Variants in HSPA2 observed in about 807,000 individuals in gnomAD.
The protein encoded by HSPA2 is heat shock-related 70 kDa protein 2.
HSPA2 carries 13 observed loss-of-function variants against 35.0 expected under a neutral mutation model. The ratio of observed to expected loss-of-function variants is 0.37; its 90% CI spans 0.24 to 0.59. The LOEUF (loss-of-function observed/expected upper bound fraction) is 0.59. Among genes scored for constraint, HSPA2 ranks in the 20% least tolerant of loss-of-function variants. The probability of loss-of-function intolerance (pLI) is 0.70; values close to 1 mark genes in which losing one functional copy is unlikely to be tolerated. For missense variants in HSPA2, 565 were observed against 885.4 expected, an observed-to-expected ratio of 0.64 and a Z score of 4.59; for synonymous variants, 368 against 382.1, an observed-to-expected ratio of 0.96 and a Z score of 0.43.
rs1566643618 is a variant in HSPA2 at position 64,542,951 on chromosome 14, T to A, written c.*182T>A. The A allele has an allele frequency of 1.9e-6, 2 of 1,068,904 alleles. No homozygotes were observed. The highest frequency in any genetic ancestry group is 1.8e-5 in the South Asian group (1 of 57,048). 66.2% of individuals were successfully genotyped at this position (1,068,904 alleles called of 1,614,324 possible). A position where few individuals can be genotyped will look rare whatever the true frequency, so the allele number is the denominator to read the frequency against. ...TATAAAAGTTCCAAAGTTTGTTTTT[T>A]AAAAACATTATTCGAGGTTTCTCTT... On this transcript the variant is annotated 3_prime_UTR_variant, in exon 1 of 1. Coordinates refer to ENST00000247207, the MANE Select transcript of HSPA2 (RefSeq NM_021979.4). The surrounding 1 kb of genome is among the most constrained non-coding windows in gnomAD (Gnocchi z 5.7).
chr14:64,542,369 C>T lies in HSPA2; in HGVS notation c.1520C>T (p.Thr507Ile). 1 of 1,613,802 alleles carries T rather than the reference C, an allele frequency of 6.2e-7. No homozygotes were observed. The highest frequency in any genetic ancestry group is 8.5e-7 in the Non-Finnish European group (1 of 1,179,912). ...GGTAAGGAAAACAAAATCACCATCA[C>T]CAATGACAAAGGTCGTCTGAGCAAG... ...STGKENKITI[T>I]NDKGRLSKDD... The change falls in exon 1 of 1, where the codon ACC (threonine) becomes ATC (isoleucine). Residue 507 changes from threonine (T) to isoleucine (I), a missense_variant. Thr to Ile is a moderately conservative substitution (Grantham distance 89, BLOSUM62 -1). Transcript: ENST00000247207. This position sits in a 1 kb window ranked among gnomAD's most constrained non-coding sequence, Gnocchi z 5.7.
At chr14:64,540,491 C>T (rs1336784270), upstream of HSPA2, 1 of 282,738 alleles carries the variant, frequency 3.5e-6, no homozygotes, top group Non-Finnish European at 6.7e-6. Context: ...GCGCGCGAGG[C>T]ACCACGGCCT....
At chr14:64,538,347 C>T (rs1272141956), upstream of HSPA2, among the ~76,000 whole-genome samples, 3 of 152,170 alleles carry the variant, frequency 2.0e-5, no homozygotes, top group Admixed American at 2.0e-4. Context: ...TGCTCCCAGC[C>T]CAAAGCCTCA....
At position 64,542,757 on chromosome 14, in the gene HSPA2, A is replaced by C. The variant is rs1257682239; in HGVS notation, c.1908A>C (p.Glu636Asp). 1 of 1,607,274 alleles carries C rather than the reference A, an allele frequency of 6.2e-7. No individual in the cohort carries two copies. The highest frequency in any genetic ancestry group is 1.1e-5 in the South Asian group (1 of 90,502). ...GAGCCTCCGGGGGACCCACCATCGA[A>C]GAAGTGGACTAAGCTTGCACTCAAG... is the stretch of plus-strand genomic sequence containing the variant. ...GSGASGGPTI[E>D]EVD Residue 636 changes from glutamate (E) to aspartate (D), a missense_variant, in exon 1 of 1, where the codon GAA becomes GAC. This residue lies in a region of HSPA2 where 147 missense variants were observed against 166.7 expected (regional missense o/e 0.88). Coordinates refer to ENST00000247207, the MANE Select transcript of HSPA2 (RefSeq NM_021979.4). This position sits in a 1 kb window ranked among gnomAD's most constrained non-coding sequence, Gnocchi z 5.7.
In HSPA2 at chr14:64,540,771, T is replaced by C; in HGVS notation, c.-79T>C. 8 of 1,568,754 alleles carry C rather than the reference T, an allele frequency of 5.1e-6. No individual in the cohort carries two copies. The highest frequency in any genetic ancestry group is 6.9e-6 in the Non-Finnish European group (8 of 1,156,812). On this transcript the variant is annotated 5_prime_UTR_variant, in exon 1 of 1. Coordinates refer to ENST00000247207, the MANE Select transcript of HSPA2 (RefSeq NM_021979.4). ...GCTGGTAGTGCCCGTGGTGCTTGGT[T>C]CGAGGTGGCCGTTAGTTGACTCCGC...
chr14:64,540,247 C>G (rs2080015013), upstream of HSPA2: 1 of 159,326 alleles, frequency 6.3e-6, no homozygotes, highest in South Asian at 1.7e-4. Context: ...CTCAGTGAGT[C>G]GGCACCCTAG....
At position 64,541,182 on chromosome 14, in the gene HSPA2, G is replaced by A. The variant is rs2080027047; in HGVS notation, c.333G>A (p.Glu111=). Residue 111 remains glutamate (E), a synonymous_variant, in exon 1 of 1, where the codon GAG becomes GAA. Coordinates refer to ENST00000247207, the MANE Select transcript of HSPA2 (RefSeq NM_021979.4). ...KPKVQVEYKG[E]TKTFFPEEIS... ...AAGTGCAAGTAGAGTACAAGGGGGA[G>A]ACCAAGACCTTCTTCCCAGAGGAGA... 1.9e-6 allele frequency: 3 copies of A among 1,614,090 alleles called. No homozygotes were observed. Among genetic ancestry groups the A allele is most frequent in the Non-Finnish European group, 2.5e-6 (3 of 1,180,056 alleles).
chr14:64,537,608 C>T (rs187457108), upstream of HSPA2, among the ~76,000 whole-genome samples: 1 of 150,930 alleles, frequency 6.6e-6, no homozygotes, highest in East Asian at 1.9e-4. Flanking sequence ...CCCCCCACCC[C>T]CAAACTACAC....
chr14:64,541,186 A>C lies in HSPA2; in HGVS notation c.337A>C (p.Lys113Gln). The C allele has an allele frequency of 1.2e-6, 2 of 1,614,166 alleles. No homozygotes were observed. The highest frequency in any genetic ancestry group is 1.7e-6 in the Non-Finnish European group (2 of 1,180,042). ...KVQVEYKGET[K>Q]TFFPEEISSM... is the part of the protein sequence containing the mutation. ...GCAAGTAGAGTACAAGGGGGAGACC[A>C]AGACCTTCTTCCCAGAGGAGATATC... Residue 113 changes from lysine (K) to glutamine (Q), a missense_variant, in exon 1 of 1, where the codon AAG becomes CAG. Physicochemically the swap from Lys to Gln is moderately conservative, Grantham distance 53 (BLOSUM62 1). This residue lies in a region of HSPA2 where 183 missense variants were observed against 281.6 expected (regional missense o/e 0.65). Coordinates refer to ENST00000247207, the MANE Select transcript of HSPA2 (RefSeq NM_021979.4).
rs750148346 is a variant in HSPA2, at chr14:64,541,190, C to T, written c.341C>T (p.Thr114Ile). Residue 114 changes from threonine (T) to isoleucine (I), a missense_variant, in exon 1 of 1, where the codon ACC becomes ATC. By Grantham distance (89) the Thr-to-Ile change is moderately conservative. This residue lies in a region of HSPA2 where 183 missense variants were observed against 281.6 expected (regional missense o/e 0.65). Coordinates refer to ENST00000247207, the MANE Select transcript of HSPA2 (RefSeq NM_021979.4). ...GTAGAGTACAAGGGGGAGACCAAGA[C>T]CTTCTTCCCAGAGGAGATATCCTCC... Reference protein sequence around the residue: ...VQVEYKGETKTFFPEEISSMV... With the variant: ...VQVEYKGETKIFFPEEISSMV... The T allele has an allele frequency of 4.5e-5, 73 of 1,614,000 alleles. No individual in the cohort carries two copies. The highest frequency in any genetic ancestry group is 6.1e-5 in the Non-Finnish European group (72 of 1,180,026).
At chr14:64,538,658 C>T (rs1474884769), upstream of HSPA2, among the ~76,000 whole-genome samples, 1 of 152,194 alleles carries the variant, frequency 6.6e-6, no homozygotes, top group Non-Finnish European at 1.5e-5. Context: ...TTGCTTTCAG[C>T]GCTTCTCCCA....
At chr14:64,539,245 G>A (rs1016590756), upstream of HSPA2, among the ~76,000 whole-genome samples, 6 of 152,254 alleles carry the variant, frequency 3.9e-5, no homozygotes, top group East Asian at 1.2e-3. Flanking sequence ...GAGGGTTTAT[G>A]CCTCCAATAT....
At chr14:64,539,519 G>A (rs1399655493), upstream of HSPA2, among the ~76,000 whole-genome samples, 1 of 152,112 alleles carries the variant, frequency 6.6e-6, no homozygotes, top group African/African-American at 2.4e-5. Flanking sequence ...GGACAAACAG[G>A]AAAAAGGAAG....
chr14:64,540,757 C>G lies in HSPA2; in HGVS notation c.-93C>G, dbSNP rs1251607326. 6 of 1,547,112 alleles carry G rather than the reference C, an allele frequency of 3.9e-6. No homozygotes were observed. The East Asian group carries it at 1.1e-4, about 29-fold the overall frequency. Reference sequence around the variant, plus strand: ...CGGGGAGCTGAGTTGCTGGTAGTGCCCGTGGTGCTTGGTTCGAGGTGGCCG... The same window carrying G: ...CGGGGAGCTGAGTTGCTGGTAGTGCGCGTGGTGCTTGGTTCGAGGTGGCCG... On this transcript the variant is annotated 5_prime_UTR_variant, in exon 1 of 1. Transcript: ENST00000247207.
Position 64,541,642 on chromosome 14 carries a change from C to G in HSPA2, c.793C>G (p.Arg265Gly). 6.2e-7 allele frequency: 1 copy of G among 1,611,424 alleles called. No homozygotes were observed. Among genetic ancestry groups the G allele is most frequent in the Non-Finnish European group, 8.5e-7 (1 of 1,179,870 alleles). Reference protein sequence around the residue: ...DIGPNKRAVRRLRTACERAKR... With the variant: ...DIGPNKRAVRGLRTACERAKR... ...TGGGCCCAACAAGCGCGCCGTGAGG[C>G]GGCTGCGCACCGCTTGCGAGCGCGC... Residue 265 changes from arginine (R) to glycine (G), a missense_variant, in exon 1 of 1, where the codon CGG (arginine) becomes GGG (glycine). By Grantham distance (125) the Arg-to-Gly change is moderately radical (BLOSUM62 -2). This residue lies in a region of HSPA2 where 234 missense variants were observed against 419.0 expected (regional missense o/e 0.56). Coordinates refer to ENST00000247207, the MANE Select transcript of HSPA2 (RefSeq NM_021979.4).
At position 64,543,070 on chromosome 14, in the gene HSPA2, G is replaced by A. The variant is rs1295945747; in HGVS notation, c.*301G>A. On this transcript the variant is annotated 3_prime_UTR_variant, in exon 1 of 1. Coordinates refer to ENST00000247207, the MANE Select transcript of HSPA2 (RefSeq NM_021979.4). The stretch of plus-strand genomic sequence containing the variant: ...TGAGAAACCTTAAGTTTGCACACCT[G>A]TTCTGTAGAAGCTTGGAAACAGTAA... 6.4e-6 allele frequency: 3 copies of A among 468,254 alleles called. No individual in the cohort carries two copies. The highest frequency in any genetic ancestry group is 1.2e-5 in the Non-Finnish European group (3 of 256,236). The allele number at this position is 468,254 out of a possible 1,614,324, so 29.0% of individuals were successfully genotyped here. A position where few individuals can be genotyped will look rare whatever the true frequency, so the allele number is the denominator to read the frequency against.
upstream of HSPA2, among the ~76,000 whole-genome samples, chr14:64,538,949 G>T (rs868413336): frequency 1.3e-5 from 2 of 152,180 alleles, no homozygotes; most frequent in African/African-American, 2.4e-5. Context: ...GGGACTACAG[G>T]CGCGCGCCAC....
At position 64,542,844 on chromosome 14, in the gene HSPA2, T is replaced by C; in HGVS notation, c.*75T>C. On this transcript the variant is annotated 3_prime_UTR_variant, in exon 1 of 1. Transcript: ENST00000247207. The surrounding 1 kb of genome is among the most constrained non-coding windows in gnomAD (Gnocchi z 5.7). The stretch of plus-strand genomic sequence containing the variant: ...TTTTTTTGTTTGTTTCTTTGAAATG[T>C]CCTTGTGCCAAGTACGAGATCTATT... 6.7e-7 allele frequency: 1 copy of C among 1,485,832 alleles called. No homozygotes were observed. Among genetic ancestry groups the C allele is most frequent in the Admixed American group, 2.5e-5 (1 of 40,128 alleles). 92.0% of individuals were successfully genotyped at this position (1,485,832 alleles called of 1,614,324 possible). A position where few individuals can be genotyped will look rare whatever the true frequency, so the allele number is the denominator to read the frequency against.
In HSPA2 at chr14:64,541,805, C is replaced by T. The variant is rs931174625; in HGVS notation, c.956C>T (p.Pro319Leu). Residue 319 changes from proline (P) to leucine (L), a missense_variant, in exon 1 of 1, where the codon CCG (proline) becomes CTG (leucine). Transcript: ENST00000247207. ...NADLFRGTLE[P>L]VEKALRDAKL... ...GACCTCTTTCGCGGGACCCTGGAGC[C>T]GGTGGAGAAGGCGCTGCGCGACGCC... The T allele has an allele frequency of 1.9e-6, 3 of 1,613,572 alleles. No homozygotes were observed. The highest frequency in any genetic ancestry group is 2.5e-6 in the Non-Finnish European group (3 of 1,180,040).
Sources: allele counts gnomAD v4.1 joint callset (sites outside exome capture counted in the v4.1 genomes callset), GRCh38; gene constraint gnomAD v4.1.1; regional missense constraint gnomAD v4.1.1; non-coding constraint Gnocchi (gnomAD v3.1); transcripts MANE v1.5; gene names NCBI Gene and HGNC (gene_info 2026-07-23, HGNC 2026-07-21).